The following PCDHGA4 variants were observed in gnomAD, a reference collection of about 807,000 sequenced individuals.
PCDHGA4 encodes the protein protocadherin gamma-A4.
PCDHGA4 carries 38 observed loss-of-function variants against 54.6 expected under a neutral mutation model. The observed-to-expected ratio is 0.70, with a 90% CI of 0.54 to 0.91. The LOEUF (loss-of-function observed/expected upper bound fraction) is 0.91. Among genes scored for constraint, PCDHGA4 ranks in the 40% least tolerant of loss-of-function variants. PCDHGA4 has a pLI of 0.00. For synonymous variants in PCDHGA4, 511 were observed against 512.9 expected (o/e 1.00, Z 0.05); for missense variants, 1,298 against 1,220.9 (o/e 1.06, Z -0.94).
chr5:141,378,083 A>G (rs1774605949), intron 1 of PCDHGA4: 2 of 152,174 alleles, frequency 1.3e-5, no homozygotes, highest in South Asian at 4.1e-4. Context: ...TAATTTTATA[A>G]CTTTTTTTCA....
intron 1 of PCDHGA4, chr5:141,468,354 GA>G (rs910554966): frequency 7.0e-6 from 1 of 143,440 alleles, no homozygotes. Context: ...AAAAAAGAAA[GA>G]AAAAAGAAAT....
chr5:141,468,159 T>C (rs1408861467), intron 1 of PCDHGA4, among the ~76,000 whole-genome samples: 2 of 151,760 alleles, frequency 1.3e-5, no homozygotes, highest in Admixed American at 6.6e-5. Context: ...ACCCTGTCTC[T>C]GCTAAAAATA....
rs549266523 is a variant in PCDHGA4 at position 141,408,917 on chromosome 5, C to A, written c.2514+51296C>A. ...TTCTGTCAAGGATACCAATGATAAC[C>A]CCCCGGTTTTCAGCAGAGACGAATA... On this transcript the variant is annotated intron_variant, in intron 1 of 3. Coordinates refer to ENST00000571252, the MANE Select transcript of PCDHGA4 (RefSeq NM_018917.4). 12 of 1,613,366 alleles carry A rather than the reference C, an allele frequency of 7.4e-6. No homozygotes were observed. In the African/African-American group the frequency reaches 1.6e-4, roughly 22 times the overall value.
At chr5:141,367,043 A>G (rs939220707) in intron 1 of PCDHGA4, 4 of 343,424 alleles carry the variant, frequency 1.2e-5, no homozygotes, top group African/African-American at 8.6e-5. Flanking sequence ...AGTTCTATTA[A>G]TAGAAAAGAT....
At position 141,356,258 on chromosome 5, in the gene PCDHGA4, C is replaced by T; in HGVS notation, c.1151C>T (p.Thr384Ile). The part of the protein sequence containing the change: ...NAPEVTVTSL[T>I]SSVQESSSPG... The stretch of plus-strand genomic sequence containing the variant: ...CCAGAAGTCACAGTTACATCTCTCA[C>T]CAGCTCAGTCCAGGAATCTTCTTCC... Residue 384 changes from threonine (T) to isoleucine (I), a missense_variant, in exon 1 of 4, where the codon ACC becomes ATC. Physicochemically the swap from Thr to Ile is moderately conservative, Grantham distance 89 (BLOSUM62 -1). Transcript: ENST00000571252. 1.3e-6 allele frequency: 2 copies of T among 1,566,144 alleles called. No individual in the cohort carries two copies. Among genetic ancestry groups the T allele is most frequent in the Non-Finnish European group, 1.7e-6 (2 of 1,154,732 alleles).
At chr5:141,457,555 C>A (rs1425159883) in intron 1 of PCDHGA4, among the ~76,000 whole-genome samples, 2 of 152,168 alleles carry the variant, frequency 1.3e-5, no homozygotes. Context: ...GTATGATAAG[C>A]TTTGGAGCAA....
chr5:141,418,125 G>A (rs765373450), intron 1 of PCDHGA4: 2 of 1,614,086 alleles, frequency 1.2e-6, no homozygotes, highest in Middle Eastern at 1.7e-4. Flanking sequence ...GTGAAGGACC[G>A]AATAGACCGT....
chr5:141,422,519 C>G, intron 1 of PCDHGA4: 1 of 1,613,968 alleles, frequency 6.2e-7, no homozygotes, highest in Non-Finnish European at 8.5e-7. Flanking sequence ...CAGGGAAGCC[C>G]GCCTTTGTCT....
At chr5:141,502,575 A>G (rs1314648955) in intron 2 of PCDHGA4, among the ~76,000 whole-genome samples, 2 of 152,208 alleles carry the variant, frequency 1.3e-5, no homozygotes, top group Admixed American at 1.3e-4. Context: ...CATTATAAAA[A>G]TATATTTTTA....
chr5:141,383,766 A>G (rs1265444749), intron 1 of PCDHGA4: 6 of 1,613,894 alleles, frequency 3.7e-6, no homozygotes, highest in Non-Finnish European at 5.1e-6. Context: ...CTAAACTTCC[A>G]AAGATGTTTC....
chr5:141,502,900 T>C (rs1433421797), intron 2 of PCDHGA4, among the ~76,000 whole-genome samples: 2 of 147,288 alleles, frequency 1.4e-5, no homozygotes, highest in Non-Finnish European at 3.0e-5. Flanking sequence ...TCTAGCTCTG[T>C]TGCCAGGCTG....
chr5:141,449,930 A>G (rs1353778264), intron 1 of PCDHGA4, among the ~76,000 whole-genome samples: 1 of 151,614 alleles, frequency 6.6e-6, no homozygotes, highest in East Asian at 1.9e-4. Context: ...ACCATACCTT[A>G]TAGTATATTT....
chr5:141,361,662 G>T, intron 1 of PCDHGA4: 1 of 1,613,714 alleles, frequency 6.2e-7, no homozygotes, highest in South Asian at 1.1e-5. Context: ...CCGTGAGCGC[G>T]CAGAGCGGGG....
At position 141,357,226 on chromosome 5, in the gene PCDHGA4, G is replaced by T; in HGVS notation, c.2119G>T (p.Gly707Cys). The T allele has an allele frequency of 1.9e-6, 3 of 1,613,820 alleles. No individual in the cohort carries two copies. The highest frequency in any genetic ancestry group is 2.5e-6 in the Non-Finnish European group (3 of 1,179,848). The change falls in exon 1 of 4, where the codon GGC becomes TGC. Residue 707 changes from glycine (G) to cysteine (C), a missense_variant. Transcript: ENST00000571252. ...DSIPDVLADLGSLKPSADPDD... is the reference protein window; with the variant it reads ...DSIPDVLADLCSLKPSADPDD... ...CATCCCAGATGTCCTGGCTGACTTG[G>T]GCAGCCTCAAGCCTTCAGCAGACCC...
In PCDHGA4 at chr5:141,431,339, TTGG is replaced by T. The variant is rs750589924; in HGVS notation, c.2515-63465_2515-63463del. ...AGCCGACGGTAGTAAGTACCCCGAA[TTGG>T]TGCTGAAACGCGCCCTGGACCGCGA... is the stretch of plus-strand genomic sequence containing the variant. On this transcript the variant is annotated intron_variant, in intron 1 of 3. Coordinates refer to ENST00000571252, the MANE Select transcript of PCDHGA4 (RefSeq NM_018917.4). The surrounding 1 kb of genome is among the most constrained non-coding windows in gnomAD (Gnocchi z 4.8). 4 of 1,614,060 alleles carry T rather than the reference TTGG, an allele frequency of 2.5e-6. No individual in the cohort carries two copies. The Admixed American group carries it at 6.7e-5, about 27-fold the overall frequency.
At chr5:141,366,268 C>A in intron 1 of PCDHGA4, 4 of 1,613,720 alleles carry the variant, frequency 2.5e-6, no homozygotes, top group Non-Finnish European at 3.4e-6. Flanking sequence ...TGGTGGCCGT[C>A]GAAGACCATG....
intron 1 of PCDHGA4, chr5:141,361,627 C>A (rs1389094962): frequency 6.2e-7 from 1 of 1,613,918 alleles, no homozygotes; most frequent in East Asian, 2.2e-5. Context: ...CGACCTGAAG[C>A]CGCGGGAGAT....
At chr5:141,402,037 G>A (rs749684542) in intron 1 of PCDHGA4, among the ~76,000 whole-genome samples, 24 of 152,118 alleles carry the variant, frequency 1.6e-4, no homozygotes, top group Non-Finnish European at 2.9e-4. Flanking sequence ...CACAGTCTGT[G>A]CATGCATTAC....
At position 141,399,889 on chromosome 5, in the gene PCDHGA4, G is replaced by A. The variant is rs2093912508; in HGVS notation, c.2514+42268G>A. 2.5e-6 allele frequency: 4 copies of A among 1,612,576 alleles called. No homozygotes were observed. In the African/African-American group the frequency reaches 5.3e-5, roughly 22 times the overall value. On this transcript the variant is annotated intron_variant, in intron 1 of 3. Coordinates refer to ENST00000571252, the MANE Select transcript of PCDHGA4 (RefSeq NM_018917.4). Reference sequence around the variant, plus strand: ...GCCCGGCTACCTGGTGACCAAGGTAGTGGCCGTGGACGCAGACTCAGGACA... The same window carrying A: ...GCCCGGCTACCTGGTGACCAAGGTAATGGCCGTGGACGCAGACTCAGGACA...
Sources: allele counts gnomAD v4.1 joint callset (sites outside exome capture counted in the v4.1 genomes callset), GRCh38; gene constraint gnomAD v4.1.1; non-coding constraint Gnocchi (gnomAD v3.1); transcripts MANE v1.5; gene names NCBI Gene and HGNC (gene_info 2026-07-23, HGNC 2026-07-21).